NTNG2: variants seen among roughly 807,000 people sequenced by gnomAD.
NTNG2 encodes the protein netrin G2.
A neutral mutation model predicts 47.6 loss-of-function variants in NTNG2; 15 were observed. The observed-to-expected ratio is 0.32, with a 90% CI of 0.21 to 0.49. The LOEUF (loss-of-function observed/expected upper bound fraction) is 0.49, where lower values mean the gene tolerates loss of function less well. NTNG2 is among the 20% of genes least tolerant of loss of function. The pLI is 0.99. For synonymous variants in NTNG2, 307 were observed against 324.6 expected (o/e 0.95, Z 0.58); for missense variants, 578 against 764.6 (o/e 0.76, Z 2.88).
chr9:132,230,777 C>T (rs1179460175), intron 5 of NTNG2, among the ~76,000 whole-genome samples, 182 bp downstream of exon 5: 2 of 151,298 alleles, frequency 1.3e-5, no homozygotes, highest in Non-Finnish European at 3.0e-5. Flanking sequence ...ACCTCCCCCC[C>T]TCCACCCATC....
chr9:132,230,553 G>A lies in NTNG2; in HGVS notation c.1031-19G>A, dbSNP rs201061734. On this transcript the variant is annotated intron_variant, in intron 4 of 7. Coordinates refer to ENST00000393229, the MANE Select transcript of NTNG2 (RefSeq NM_032536.4). ...CCTTCCCCTGGGGCAGCCAGCTCACGCCCGTCTCTCTCCCACAGGTGCCAC... is the reference window on the plus strand; with the variant it reads ...CCTTCCCCTGGGGCAGCCAGCTCACACCCGTCTCTCTCCCACAGGTGCCAC... The A allele has an allele frequency of 1.3e-4, 210 of 1,598,300 alleles. No individual in the cohort carries two copies. Among genetic ancestry groups the A allele is most frequent in the East Asian group, 5.0e-4 (22 of 44,384 alleles).
At chr9:132,222,649 T>C (rs994542570) in intron 3 of NTNG2, among the ~76,000 whole-genome samples, 1 of 152,082 alleles carries the variant, frequency 6.6e-6, no homozygotes, top group Non-Finnish European at 1.5e-5. Context: ...GCACAGTGGA[T>C]ACATGTAACC....
chr9:132,206,809 C>T (rs1039058082), intron 3 of NTNG2, among the ~76,000 whole-genome samples: 27 of 152,390 alleles, frequency 1.8e-4, no homozygotes, highest in African/African-American at 5.5e-4. Context: ...CACCAAAAAG[C>T]GGGCATGCAC....
intron 4 of NTNG2, 93 bp from the exon 5 acceptor site, chr9:132,230,479 G>C: frequency 8.3e-7 from 1 of 1,199,350 alleles, no homozygotes; most frequent in Non-Finnish European, 1.2e-6. Flanking sequence ...ACACCTCCAG[G>C]TGCTCCCCTG....
chr9:132,196,678 C>A (rs956202358), intron 2 of NTNG2, among the ~76,000 whole-genome samples: 2 of 152,176 alleles, frequency 1.3e-5, no homozygotes, highest in Admixed American at 6.5e-5. Flanking sequence ...CTTCTCACAC[C>A]AAATGTATGG....
intron 2 of NTNG2, among the ~76,000 whole-genome samples, chr9:132,177,285 C>G (rs1359567191): frequency 1.3e-5 from 2 of 152,330 alleles, no homozygotes; most frequent in South Asian, 2.1e-4. Context: ...CCACGCCCAG[C>G]CTATTTTAAA....
chr9:132,227,136 T>C, intron 4 of NTNG2, 115 bp downstream of exon 4: 1 of 1,151,728 alleles, frequency 8.7e-7, no homozygotes, highest in Admixed American at 2.9e-5. Context: ...GGCACATACG[T>C]GTGCACATGC....
chr9:132,214,394 G>GC (rs1012418922), intron 3 of NTNG2, among the ~76,000 whole-genome samples: 13 of 152,192 alleles, frequency 8.5e-5, no homozygotes, highest in Non-Finnish European at 1.8e-4. Flanking sequence ...ACGGGCCAGG[G>GC]CCCCTGTCAT....
At chr9:132,229,134 G>A (rs1156582453) in intron 4 of NTNG2, among the ~76,000 whole-genome samples, 1 of 152,112 alleles carries the variant, frequency 6.6e-6, no homozygotes, top group African/African-American at 2.4e-5. Context: ...CAAGCCCCAG[G>A]AAGGAGGGGT....
Position 132,166,978 on chromosome 9 carries a change from C to CGT in NTNG2, c.148_149dup (p.Lys51SerfsTer3), listed in dbSNP as rs1270902746. The stretch of plus-strand genomic sequence containing the variant: ...CCAAGGTGATGCGCCTGAAGGACTA[C>CGT]GTCAAGGTGAAGGTGGAGCCCTCAG... On this transcript the variant is annotated frameshift_variant, in exon 2 of 8. Coordinates refer to ENST00000393229, the MANE Select transcript of NTNG2 (RefSeq NM_032536.4). LOFTEE classifies it high-confidence loss of function. The CGT allele has an allele frequency of 1.9e-6, 3 of 1,614,132 alleles. No individual in the cohort carries two copies. The African/African-American group carries it at 4.0e-5, about 22-fold the overall frequency.
At chr9:132,164,889 C>A (rs561104016) in intron 1 of NTNG2, among the ~76,000 whole-genome samples, 1 of 152,250 alleles carries the variant, frequency 6.6e-6, no homozygotes, top group Admixed American at 6.5e-5. Context: ...GTGCTCAGGG[C>A]GCTCAGGGCA....
Position 132,198,193 on chromosome 9 carries a change from G to T in NTNG2, c.441G>T (p.Thr147=). The T allele has an allele frequency of 6.2e-7, 1 of 1,613,490 alleles. No homozygotes were observed. The highest frequency in any genetic ancestry group is 8.5e-7 in the Non-Finnish European group (1 of 1,180,038). ...VVMTFEYGRP[T]VMVLEKSLDN... is the part of the protein sequence containing the mutation. ...TGACCTTCGAGTACGGCCGGCCCAC[G>T]GTCATGGTCCTGGAGAAGTCCCTGG... Residue 147 remains threonine (T), a synonymous_variant, in exon 3 of 8, where the codon ACG becomes ACT. Coordinates refer to ENST00000393229, the MANE Select transcript of NTNG2 (RefSeq NM_032536.4).
At chr9:132,234,641 G>A (rs559590362) in intron 5 of NTNG2, among the ~76,000 whole-genome samples, 4 of 152,354 alleles carry the variant, frequency 2.6e-5, no homozygotes, top group African/African-American at 4.8e-5. Context: ...GGAGGACAGC[G>A]CTGCGGGCGG....
intron 2 of NTNG2, among the ~76,000 whole-genome samples, chr9:132,189,443 G>C (rs558691209): frequency 6.6e-6 from 1 of 152,174 alleles, no homozygotes; most frequent in South Asian, 2.1e-4. Flanking sequence ...GTGATAAACT[G>C]GCGGGAATTT....
At chr9:132,164,399 G>T (rs1171956772) in intron 1 of NTNG2, among the ~76,000 whole-genome samples, 3 of 152,154 alleles carry the variant, frequency 2.0e-5, no homozygotes, top group Non-Finnish European at 2.9e-5. Context: ...CGCGGGTCCT[G>T]CAGCTGAAGG....
In NTNG2 at chr9:132,208,671, T is replaced by A. The variant is rs1390549986; in HGVS notation, c.857+10062T>A. Among the ~76,000 whole-genome samples, 1 of 152,138 alleles carries A rather than the reference T, an allele frequency of 6.6e-6. No homozygotes were observed. The highest frequency in any genetic ancestry group is 1.5e-5 in the Non-Finnish European group (1 of 68,008). Reference sequence around the variant, plus strand: ...TTGAGACACTGGGTGGATGGAAATTTTGCCTTGTCAAATGGGGACAGAGGT... The same window carrying A: ...TTGAGACACTGGGTGGATGGAAATTATGCCTTGTCAAATGGGGACAGAGGT... On this transcript the variant is annotated intron_variant, in intron 3 of 7. Coordinates refer to ENST00000393229, the MANE Select transcript of NTNG2 (RefSeq NM_032536.4). This position sits in a 1 kb window ranked among gnomAD's most constrained non-coding sequence, Gnocchi z 4.0.
At chr9:132,164,789 G>T (rs1045379029) in intron 1 of NTNG2, among the ~76,000 whole-genome samples, 6 of 152,236 alleles carry the variant, frequency 3.9e-5, no homozygotes, top group African/African-American at 2.4e-5. Context: ...CCTTCACCCA[G>T]AGAGAGGGGC....
At chr9:132,229,832 C>G (rs1254858647) in intron 4 of NTNG2, among the ~76,000 whole-genome samples, 1 of 152,252 alleles carries the variant, frequency 6.6e-6, no homozygotes. Flanking sequence ...AGCTGTGGCA[C>G]CAGCTCCTTC....
In NTNG2 at chr9:132,226,891, G is replaced by A. The variant is rs1380923229; in HGVS notation, c.900G>A (p.Glu300=). ...NLHANLCSMR[E]GSLQCECEHN... is the part of the protein sequence containing the mutation. ...ACGCCAACCTGTGCTCCATGCGCGA[G>A]GGCAGCCTGCAGTGCGAGTGCGAGC... is the stretch of plus-strand genomic sequence containing the variant. Residue 300 remains glutamate (E), a synonymous_variant, in exon 4 of 8, where the codon GAG becomes GAA. Transcript: ENST00000393229. This position sits in a 1 kb window ranked among gnomAD's most constrained non-coding sequence, Gnocchi z 4.8. 4 of 1,612,076 alleles carry A rather than the reference G, an allele frequency of 2.5e-6. No individual in the cohort carries two copies. The highest frequency in any genetic ancestry group is 3.4e-6 in the Non-Finnish European group (4 of 1,179,388).
Sources: allele counts gnomAD v4.1 joint callset (sites outside exome capture counted in the v4.1 genomes callset), GRCh38; gene constraint gnomAD v4.1.1; non-coding constraint Gnocchi (gnomAD v3.1); transcripts MANE v1.5; gene names NCBI Gene and HGNC (gene_info 2026-07-23, HGNC 2026-07-21).